NEBL: variants seen among roughly 807,000 people sequenced by gnomAD.
The protein encoded by NEBL is nebulette.
NEBL carries 122 observed loss-of-function variants against 140.2 expected under a neutral mutation model. That is an observed-to-expected ratio of 0.87 (90% CI 0.75 to 1.01). NEBL has a LOEUF of 1.01. NEBL is among the 50% of genes least tolerant of loss of function. The probability of loss-of-function intolerance (pLI) is 0.00; values close to 1 mark genes in which losing one functional copy is unlikely to be tolerated. For synonymous variants in NEBL, 436 were observed against 398.9 expected (o/e 1.09, Z -1.11); for missense variants, 1,365 against 1,231.3 (o/e 1.11, Z -1.62).
At chr10:20,896,783 G>T (rs753347979) in intron 2 of NEBL, among the ~76,000 whole-genome samples, 175 bp downstream of exon 2, 4 of 152,076 alleles carry the variant, frequency 2.6e-5, no homozygotes, top group Non-Finnish European at 5.9e-5. Flanking sequence ...GAAATTCTCT[G>T]TATAGGTGAC....
rs71541568 is a variant in NEBL at position 20,858,596 on chromosome 10, T to C, written c.799-252A>G. On this transcript the variant is annotated intron_variant, in intron 8 of 27. Coordinates refer to ENST00000377122, the MANE Select transcript of NEBL (RefSeq NM_006393.3). ...TTCAGGAAGGGTAATGTCAATAGAA[T>C]AAAGTAATTTTCACAGTAACTCTGC... Among the ~76,000 whole-genome samples, 752 of 152,286 alleles carry C rather than the reference T, an allele frequency of 4.9e-3. 9 individuals are homozygous for C. The highest frequency in any genetic ancestry group is 0.017 in the African/African-American group (718 of 41,560).
In NEBL at chr10:20,785,428, G is replaced by A; in HGVS notation, c.*319C>T. On this transcript the variant is annotated 3_prime_UTR_variant, in exon 28 of 28. Transcript: ENST00000377122. ...TTTCAAACACACACTACATTTAAGG[G>A]ACAATCAACTTCTCTATTAAAGTCT... 1 of 364,966 alleles carries A rather than the reference G, an allele frequency of 2.7e-6. No homozygotes were observed. The highest frequency in any genetic ancestry group is 5.2e-6 in the Non-Finnish European group (1 of 192,890). The allele number at this position is 364,966 out of a possible 1,614,324, so 22.6% of individuals were successfully genotyped here.
chr10:20,939,863 T>A (rs1267200817), intron 4 of NEBL, among the ~76,000 whole-genome samples: 2 of 152,092 alleles, frequency 1.3e-5, no homozygotes, highest in Non-Finnish European at 2.9e-5. Context: ...GGTAAAGGGA[T>A]CAATTCAACA....
At position 21,173,687 on chromosome 10, in the gene NEBL, C is replaced by T. The variant is rs1589313578; in HGVS notation, c.69+78G>A. The T allele has an allele frequency of 6.2e-7, 1 of 1,605,438 alleles. No individual in the cohort carries two copies. The highest frequency in any genetic ancestry group is 2.2e-5 in the East Asian group (1 of 44,782). ...ACCGACCCACTCATTGCTTTCCATC[C>T]CAGGTGCCAAAACTTCTCGAAGCAG... On this transcript the variant is annotated intron_variant, in intron 1 of 6. Coordinates refer to the NEBL transcript ENST00000417816. This position sits in a 1 kb window ranked among gnomAD's most constrained non-coding sequence, Gnocchi z 5.7.
At chr10:20,892,188 G>T (rs1242084592) in intron 2 of NEBL, among the ~76,000 whole-genome samples, 1 of 152,204 alleles carries the variant, frequency 6.6e-6, no homozygotes, top group Non-Finnish European at 1.5e-5. Context: ...TCTAAACCAG[G>T]CATGGTCATG....
chr10:21,107,441 G>T (rs1299484344), intron 2 of NEBL, among the ~76,000 whole-genome samples: 1 of 152,072 alleles, frequency 6.6e-6, no homozygotes, highest in African/African-American at 2.4e-5. Flanking sequence ...GGTTTTTGCT[G>T]TTAGTTCTGT....
intron 2 of NEBL, chr10:21,029,330 C>T (rs1192490178): frequency 6.2e-7 from 1 of 1,610,652 alleles, no homozygotes; most frequent in African/African-American, 1.3e-5. Context: ...ACAGAAGAGT[C>T]AATTAAGGAA....
chr10:21,217,124 C>T (rs991779597), intron 3 of NEBL, among the ~76,000 whole-genome samples: 18 of 152,176 alleles, frequency 1.2e-4, no homozygotes, highest in East Asian at 1.9e-4. Context: ...CACCTCTGCA[C>T]GCACAGTTGT....
At chr10:21,218,975 C>T (rs566945335) in intron 3 of NEBL, among the ~76,000 whole-genome samples, 2 of 152,210 alleles carry the variant, frequency 1.3e-5, no homozygotes, top group South Asian at 2.1e-4. Flanking sequence ...ACAGACGGAA[C>T]CTTATGCCCT....
chr10:20,849,240 C>T (rs911362042), intron 11 of NEBL, among the ~76,000 whole-genome samples: 3 of 151,666 alleles, frequency 2.0e-5, no homozygotes, highest in East Asian at 1.9e-4. Context: ...AAATAAGTCT[C>T]GCTGGAACAG....
At chr10:20,962,495 T>C (rs1836100330) in intron 3 of NEBL, among the ~76,000 whole-genome samples, 1 of 152,248 alleles carries the variant, frequency 6.6e-6, no homozygotes, top group Non-Finnish European at 1.5e-5. Flanking sequence ...TTTTTCAGTA[T>C]TTAAATATAC....
At position 21,146,701 on chromosome 10, in the gene NEBL, T is replaced by A. The variant is rs192653600; in HGVS notation, c.164+25682A>T. The stretch of plus-strand genomic sequence containing the variant: ...AATGAAATTCACTGATGGAAAAGAA[T>A]TGCAATGCCCTGGTAAAGTAAAAAT... On this transcript the variant is annotated intron_variant, in intron 2 of 6. Transcript: ENST00000417816. The A allele has an allele frequency of 6.6e-5, 35 of 527,574 alleles. No homozygotes were observed. The Admixed American group carries it at 1.0e-3, about 15-fold the overall frequency. The allele number at this position is 527,574 out of a possible 1,614,324, so 32.7% of individuals were successfully genotyped here.
chr10:20,841,707 G>A (rs1442246476), intron 12 of NEBL: 1 of 152,102 alleles, frequency 6.6e-6, no homozygotes, highest in East Asian at 1.9e-4. Context: ...CCAAAAAGGA[G>A]ATGCAATCAC....
chr10:21,169,060 AAAAAAAAATATATATAT>A (rs1453177955), intron 2 of NEBL, among the ~76,000 whole-genome samples: 2 of 57,662 alleles, frequency 3.5e-5, no homozygotes, highest in African/African-American at 1.2e-4. Flanking sequence ...AAAAAAAAAA[AAAAAAAAATATATATAT>A]ATATATATAT....
chr10:20,800,992 T>C (rs894476428), intron 26 of NEBL, among the ~76,000 whole-genome samples: 1 of 152,166 alleles, frequency 6.6e-6, no homozygotes, highest in Non-Finnish European at 1.5e-5. Flanking sequence ...CCTTGAGCCC[T>C]ATCTCTGCAG....
At chr10:20,924,630 C>T (rs895053255) in intron 4 of NEBL, among the ~76,000 whole-genome samples, 1 of 151,298 alleles carries the variant, frequency 6.6e-6, no homozygotes, top group Non-Finnish European at 1.5e-5. Context: ...AGAATAGGGC[C>T]TCCTGGAATA....
rs567738329 is a variant in NEBL at position 20,926,904 on chromosome 10, C to T, written c.357+34768G>A. Among the ~76,000 whole-genome samples the T allele has an allele frequency of 5.3e-5, 8 of 152,254 alleles. 1 individual carries two copies. The highest frequency in any genetic ancestry group is 1.7e-4 in the African/African-American group (7 of 41,528). ...ACTAAGCACAAGCTCTCAGCTAAGA[C>T]CTAAAAATGCATAGATGAAAGAGAC... is the stretch of plus-strand genomic sequence containing the variant. On this transcript the variant is annotated intron_variant, in intron 4 of 6. Transcript: ENST00000417816.
At chr10:20,787,782 C>T (rs1242427876) in intron 26 of NEBL, among the ~76,000 whole-genome samples, 1 of 152,098 alleles carries the variant, frequency 6.6e-6, no homozygotes, top group Non-Finnish European at 1.5e-5. Context: ...TTTACAAAGA[C>T]GGCAAACATA....
chr10:21,068,274 C>T (rs1242165858), intron 2 of NEBL, among the ~76,000 whole-genome samples: 1 of 152,198 alleles, frequency 6.6e-6, no homozygotes, highest in Non-Finnish European at 1.5e-5. Flanking sequence ...CAGTAACAGA[C>T]ATCTGTATTT....
Sources: allele counts gnomAD v4.1 joint callset (sites outside exome capture counted in the v4.1 genomes callset), GRCh38; gene constraint gnomAD v4.1.1; non-coding constraint Gnocchi (gnomAD v3.1); transcripts MANE v1.5; gene names NCBI Gene and HGNC (gene_info 2026-07-23, HGNC 2026-07-21).